Variants in FAM135A observed in about 807,000 individuals in gnomAD.
The protein encoded by FAM135A is protein FAM135A.
FAM135A carries 79 observed loss-of-function variants against 146.8 expected under a neutral mutation model. The ratio of observed to expected loss-of-function variants is 0.54; its 90% confidence interval spans 0.45 to 0.65. The LOEUF is 0.65. FAM135A is among the 30% of genes least tolerant of loss of function. FAM135A has a pLI of 0.00. For missense variants in FAM135A, 1,623 were observed against 1,758.2 expected, an observed-to-expected ratio of 0.92 and a Z score of 1.38; for synonymous variants, 562 against 603.6, an observed-to-expected ratio of 0.93 and a Z score of 1.01.
intron 11 of FAM135A, among the ~76,000 whole-genome samples, chr6:70,492,737 A>G (rs1225128052): frequency 2.6e-5 from 4 of 151,384 alleles, no homozygotes; most frequent in Non-Finnish European, 5.9e-5. Flanking sequence ...CTGAAATGAT[A>G]CTCATTCTTA....
rs180690257 is a variant in FAM135A at position 70,464,795 on chromosome 6, T to C, written c.158-10615T>C. ...GATTCGCCCATCTCAGACTCCCAAG[T>C]AGCTGGGATTATAGGCATGCACCAC... On this transcript the variant is annotated intron_variant, in intron 5 of 21. Coordinates refer to ENST00000418814, the MANE Select transcript of FAM135A (RefSeq NM_001162529.3). Among the ~76,000 whole-genome samples, 46 of 147,240 alleles carry C rather than the reference T, an allele frequency of 3.1e-4. No homozygotes were observed. The East Asian group carries it at 5.9e-3, about 19-fold the overall frequency.
At chr6:70,495,004 A>C (rs1480909203) in intron 11 of FAM135A, among the ~76,000 whole-genome samples, 2 of 152,186 alleles carry the variant, frequency 1.3e-5, no homozygotes, top group Non-Finnish European at 2.9e-5. Context: ...TAATAATGCA[A>C]GTTTCAGCTT....
chr6:70,421,042 CA>C (rs1768707224), intron 2 of FAM135A, among the ~76,000 whole-genome samples: 3 of 151,994 alleles, frequency 2.0e-5, no homozygotes. Flanking sequence ...CTACCACACC[CA>C]GCTAATTTTT....
Position 70,524,386 on chromosome 6 carries a change from A to G in FAM135A, c.1302A>G (p.Ser434=), listed in dbSNP as rs1219482830. The part of the protein sequence containing the change: ...PWMGIQNLQR[S]ESSKMDKYET... ...TGGGAATTCAGAATCTTCAGAGATC[A>G]GAGTCCAGTAAAATGGATAAATATG... Residue 434 remains serine (S), a synonymous_variant, in exon 15 of 22, where the codon TCA becomes TCG. Coordinates refer to ENST00000418814, the MANE Select transcript of FAM135A (RefSeq NM_001162529.3). 5 of 1,511,316 alleles carry G rather than the reference A, an allele frequency of 3.3e-6. No homozygotes were observed. The highest frequency in any genetic ancestry group is 4.4e-6 in the Non-Finnish European group (5 of 1,135,288). 93.6% of individuals were successfully genotyped at this position (1,511,316 alleles called of 1,614,324 possible).
intron 2 of FAM135A, chr6:70,418,403 C>T (rs549889409): frequency 6.6e-6 from 1 of 152,384 alleles, no homozygotes; most frequent in East Asian, 1.9e-4. Flanking sequence ...GATCTCAGCT[C>T]ACTGCAACCT....
At chr6:70,503,066 C>G (rs1456210040) in intron 12 of FAM135A, 1 of 195,020 alleles carries the variant, frequency 5.1e-6, no homozygotes, top group East Asian at 1.1e-4. Flanking sequence ...GAATAGGAAC[C>G]TAAGAATAGG....
intron 11 of FAM135A, among the ~76,000 whole-genome samples, chr6:70,500,152 C>A (rs1324985156): frequency 6.6e-6 from 1 of 152,172 alleles, no homozygotes; most frequent in Non-Finnish European, 1.5e-5. Context: ...CATAGTCCCA[C>A]ATTTTTTGGA....
chr6:70,414,610 C>G (rs1048546111), intron 1 of FAM135A, among the ~76,000 whole-genome samples: 1 of 151,036 alleles, frequency 6.6e-6, no homozygotes, highest in Non-Finnish European at 1.5e-5. Context: ...ACATACCCTT[C>G]TAGTCCTTGC....
At chr6:70,430,573 C>T (rs998584006) in intron 4 of FAM135A, among the ~76,000 whole-genome samples, 5 of 152,176 alleles carry the variant, frequency 3.3e-5, no homozygotes, top group Non-Finnish European at 1.5e-5. Context: ...GACATGCTTG[C>T]TCTCTAGATA....
intron 4 of FAM135A, among the ~76,000 whole-genome samples, chr6:70,444,508 T>C (rs1775273813): frequency 6.6e-6 from 1 of 152,160 alleles, no homozygotes; most frequent in African/African-American, 2.4e-5. Context: ...AAGGCTGCAA[T>C]GAGCCATGGT....
intron 11 of FAM135A, among the ~76,000 whole-genome samples, chr6:70,501,281 C>T (rs1216630233): frequency 2.0e-5 from 3 of 152,118 alleles, no homozygotes; most frequent in African/African-American, 7.2e-5. Context: ...ACCTTCCAGC[C>T]TCCTTAGCAC....
At chr6:70,548,545 C>T (rs903006249) in intron 20 of FAM135A, among the ~76,000 whole-genome samples, 1 of 152,114 alleles carries the variant, frequency 6.6e-6, no homozygotes, top group Non-Finnish European at 1.5e-5. Context: ...CCATAGACAC[C>T]CTGCAGGGAT....
chr6:70,448,388 C>T (rs996948182), intron 4 of FAM135A, among the ~76,000 whole-genome samples: 2 of 152,170 alleles, frequency 1.3e-5, no homozygotes, highest in South Asian at 2.1e-4. Flanking sequence ...CCAGAGCCCA[C>T]ACTTGTGCCA....
At chr6:70,516,688 C>T (rs1261276370) in intron 12 of FAM135A, among the ~76,000 whole-genome samples, 1 of 151,842 alleles carries the variant, frequency 6.6e-6, no homozygotes, top group Non-Finnish European at 1.5e-5. Context: ...GCACTCGCCA[C>T]CATGCCTGGC....
Position 70,428,502 on chromosome 6 carries a change from G to T in FAM135A, c.77+83G>T, listed in dbSNP as rs544624105. ...AATTTAATTACATATTTTTATTCCA[G>T]CATATATAAGGAAAACAATGAACTA... On this transcript the variant is annotated intron_variant, in intron 4 of 21. Coordinates refer to ENST00000418814, the MANE Select transcript of FAM135A (RefSeq NM_001162529.3). The T allele has an allele frequency of 4.1e-5, 35 of 843,790 alleles. No homozygotes were observed. The South Asian group carries it at 8.2e-4, about 20-fold the overall frequency. The allele number at this position is 843,790 out of a possible 1,614,324, so 52.3% of individuals were successfully genotyped here.
intron 18 of FAM135A, among the ~76,000 whole-genome samples, chr6:70,535,483 G>A (rs753083980): frequency 5.3e-5 from 8 of 152,074 alleles, no homozygotes; most frequent in Non-Finnish European, 1.2e-4. Context: ...GATCATCGGT[G>A]AGCATTAGAT....
At chr6:70,546,644 G>A (rs1429521267) in intron 20 of FAM135A, among the ~76,000 whole-genome samples, 1 of 152,068 alleles carries the variant, frequency 6.6e-6, no homozygotes, top group African/African-American at 2.4e-5. Context: ...AAATGTATTG[G>A]GTGAGAAATT....
At chr6:70,478,895 ATG>A (rs146388900) in intron 8 of FAM135A, among the ~76,000 whole-genome samples, 3,833 of 152,214 alleles carry the variant, frequency 0.025, 115 homozygotes, top group African/African-American at 0.069. Context: ...CTGAAATAGA[ATG>A]TGTGAATGAA....
At chr6:70,533,033 T>C in intron 16 of FAM135A, 127 bp from the exon 17 acceptor site, 1 of 706,380 alleles carries the variant, frequency 1.4e-6, no homozygotes. Context: ...TCTATTTCAT[T>C]GTATATTGTC....
Sources: gnomAD v4.1 joint callset for allele counts (sites outside exome capture counted in the v4.1 genomes callset) on GRCh38, gnomAD v4.1.1 for gene constraint, MANE v1.5 for transcripts, NCBI Gene and HGNC (gene_info 2026-07-23, HGNC 2026-07-21) for gene names.